Variants in GABRA2 observed in about 807,000 individuals in gnomAD.
The protein encoded by GABRA2 is gamma-aminobutyric acid type A receptor subunit alpha2, also known as gamma-aminobutyric acid receptor subunit alpha-2.
In GABRA2, 16 loss-of-function variants were observed where a neutral mutation model predicts 48.7. The ratio of observed to expected loss-of-function variants is 0.33; its 90% CI spans 0.22 to 0.50. GABRA2 has a LOEUF of 0.50. GABRA2 is among the 20% of genes least tolerant of loss of function. The pLI is 0.98. For synonymous variants in GABRA2, 185 were observed against 184.5 expected (o/e 1.00, Z -0.02); for missense variants, 275 against 535.6 (o/e 0.51, Z 4.80).
chr4:46,283,212 AATT>A (rs1314699510), intron 8 of GABRA2, among the ~76,000 whole-genome samples: 1 of 152,174 alleles, frequency 6.6e-6, no homozygotes, highest in African/African-American at 2.4e-5. Flanking sequence ...GACACACAGA[AATT>A]ATTAAGAGGG....
rs1021300608 is a variant in GABRA2, at chr4:46,328,275, T to C, written c.255+4340A>G. On this transcript the variant is annotated intron_variant, in intron 4 of 9. Transcript: ENST00000381620. ...TTAATGATTCCAAGATAGCAGAGTG[T>C]GTGTGTGTGTGTGTGTGTGTGCGCA... Among the ~76,000 whole-genome samples the C allele has an allele frequency of 3.4e-5, 4 of 117,988 alleles. No homozygotes were observed. The Admixed American group carries it at 3.5e-4, about 10-fold the overall frequency. 77.4% of individuals were successfully genotyped at this position (117,988 alleles called of 152,430 possible). A position where few individuals can be genotyped will look rare whatever the true frequency, so the allele number is the denominator to read the frequency against.
intron 4 of GABRA2, among the ~76,000 whole-genome samples, chr4:46,313,159 AATTTT>A (rs1727951677): frequency 9.5e-5 from 14 of 147,732 alleles, no homozygotes; most frequent in African/African-American, 3.4e-4. Context: ...AAATAAATAA[AATTTT>A]TAAAAATTAA....
chr4:46,271,143 A>G (rs1382497316), intron 8 of GABRA2, among the ~76,000 whole-genome samples: 2 of 152,058 alleles, frequency 1.3e-5, no homozygotes, highest in Non-Finnish European at 2.9e-5. Flanking sequence ...GAGAAGTCTC[A>G]GAAACCAAAC....
chr4:46,314,180 A>G (rs1298149565), intron 4 of GABRA2, among the ~76,000 whole-genome samples: 2 of 152,150 alleles, frequency 1.3e-5, no homozygotes, highest in Non-Finnish European at 2.9e-5. Flanking sequence ...GAGTCTTTGC[A>G]CTGCAAGTTT....
intron 3 of GABRA2, among the ~76,000 whole-genome samples, chr4:46,346,260 A>C (rs924769159): frequency 9.2e-5 from 14 of 151,932 alleles, no homozygotes; most frequent in African/African-American, 3.4e-4. Context: ...CCATTCTACC[A>C]CTAAGGAACG....
chr4:46,360,365 C>A (rs1278575508), intron 3 of GABRA2, among the ~76,000 whole-genome samples: 1 of 152,132 alleles, frequency 6.6e-6, no homozygotes, highest in East Asian at 1.9e-4. Flanking sequence ...CCATGCTGTT[C>A]TCATGATAGT....
At chr4:46,329,365 GC>G (rs1730948784) in intron 4 of GABRA2, among the ~76,000 whole-genome samples, 1 of 152,140 alleles carries the variant, frequency 6.6e-6, no homozygotes, top group Non-Finnish European at 1.5e-5. Flanking sequence ...CTCTGGGTCA[GC>G]TGCATTGTCA....
intron 3 of GABRA2, among the ~76,000 whole-genome samples, chr4:46,371,722 T>A (rs2110002071): frequency 6.6e-6 from 1 of 152,302 alleles, no homozygotes; most frequent in South Asian, 2.1e-4. Context: ...AACAATTTTG[T>A]AAAAGTATAA....
At chr4:46,368,918 T>C in intron 3 of GABRA2, 1 of 672,240 alleles carries the variant, frequency 1.5e-6, no homozygotes, top group East Asian at 2.7e-5. Flanking sequence ...CCTTTATTTG[T>C]TCTGCCCATG....
intron 3 of GABRA2, among the ~76,000 whole-genome samples, chr4:46,334,598 A>G (rs1198917744): frequency 6.6e-6 from 1 of 152,166 alleles, no homozygotes; most frequent in Non-Finnish European, 1.5e-5. Context: ...TGCTAAGGAT[A>G]TGAATGGCAT....
intron 3 of GABRA2, among the ~76,000 whole-genome samples, chr4:46,379,926 T>C (rs1716530200): frequency 6.6e-6 from 1 of 152,180 alleles, no homozygotes; most frequent in Admixed American, 6.5e-5. Context: ...TTTTATATAC[T>C]GAGATCTCAA....
At position 46,249,813 on chromosome 4, in the gene GABRA2, A is replaced by G. The variant is rs914952325; in HGVS notation, c.*495T>C. The G allele has an allele frequency of 2.6e-5, 4 of 154,184 alleles. No homozygotes were observed. Among genetic ancestry groups the G allele is most frequent in the African/African-American group, 9.7e-5 (4 of 41,386 alleles). 9.6% of individuals were successfully genotyped at this position (154,184 alleles called of 1,614,324 possible). A position where few individuals can be genotyped will look rare whatever the true frequency, so the allele number is the denominator to read the frequency against. On this transcript the variant is annotated 3_prime_UTR_variant, in exon 10 of 10. Transcript: ENST00000381620. The stretch of plus-strand genomic sequence containing the variant: ...CAAATCTCTAGTTTTTCTTATGTGT[A>G]CCAAGCTTCCAATTACATTAGCAGG...
intron 8 of GABRA2, among the ~76,000 whole-genome samples, chr4:46,291,564 G>A (rs2109537848): frequency 6.6e-6 from 1 of 152,152 alleles, no homozygotes; most frequent in Admixed American, 6.5e-5. Flanking sequence ...GGATTAAAAA[G>A]CAGGCAGAAA....
At chr4:46,319,105 G>T (rs1009413551) in intron 4 of GABRA2, among the ~76,000 whole-genome samples, 2 of 151,616 alleles carry the variant, frequency 1.3e-5, no homozygotes, top group African/African-American at 4.8e-5. Context: ...ATTTGTCCTG[G>T]AAACAAGGAA....
At chr4:46,287,511 C>T (rs1722784108) in intron 8 of GABRA2, among the ~76,000 whole-genome samples, 1 of 150,408 alleles carries the variant, frequency 6.6e-6, no homozygotes, top group Non-Finnish European at 1.5e-5. Context: ...TCATCATTCT[C>T]AGTAAACTAT....
At chr4:46,279,553 A>G (rs1054530557) in intron 8 of GABRA2, among the ~76,000 whole-genome samples, 10 of 152,060 alleles carry the variant, frequency 6.6e-5, no homozygotes, top group African/African-American at 2.4e-4. Flanking sequence ...ATAAAGAGTT[A>G]TATTAAACAG....
chr4:46,289,914 T>TTTATTTATTTATTTATTTTTAA (rs1560482729), intron 8 of GABRA2, among the ~76,000 whole-genome samples: 18 of 135,966 alleles, frequency 1.3e-4, no homozygotes, highest in African/African-American at 4.8e-4. Context: ...TTTATTTTTA[T>TTTATTTATTTATTTATTTTTAA]TTTTTTTTTT....
intron 3 of GABRA2, chr4:46,368,194 T>C (rs13144760): frequency 6.6e-6 from 1 of 152,102 alleles, no homozygotes; most frequent in Non-Finnish European, 1.5e-5. Context: ...AACTGGATAG[T>C]TATTACTGAA....
At chr4:46,319,788 T>C (rs1729141616) in intron 4 of GABRA2, among the ~76,000 whole-genome samples, 1 of 151,820 alleles carries the variant, frequency 6.6e-6, no homozygotes, top group South Asian at 2.1e-4. Flanking sequence ...TAAAGATTCA[T>C]ATTTTAACAG....
Sources: allele counts gnomAD v4.1 joint callset (sites outside exome capture counted in the v4.1 genomes callset), GRCh38; gene constraint gnomAD v4.1.1; transcripts MANE v1.5; gene names NCBI Gene and HGNC (gene_info 2026-07-23, HGNC 2026-07-21).